The following IQCM variants were observed in gnomAD, a reference collection of about 807,000 sequenced individuals.
The protein encoded by IQCM is IQ domain-containing protein M.
IQCM carries 45 observed loss-of-function variants against 57.6 expected under a neutral mutation model. The ratio of observed to expected loss-of-function variants is 0.78; its 90% CI spans 0.62 to 1.00. The LOEUF (loss-of-function observed/expected upper bound fraction) is 1.00, where lower values mean the gene tolerates loss of function less well. Ranked by LOEUF, IQCM falls within the 50% of genes least tolerant of loss-of-function variation. IQCM has a pLI of 0.00. For missense variants in IQCM, 468 were observed against 511.6 expected (o/e 0.91, Z 0.82); for synonymous variants, 148 against 158.9 (o/e 0.93, Z 0.51).
intron 5 of IQCM, among the ~76,000 whole-genome samples, chr4:149,692,153 A>T (rs1580012124): frequency 6.6e-6 from 1 of 152,044 alleles, no homozygotes; most frequent in Non-Finnish European, 1.5e-5. Flanking sequence ...GCTGAAGTCC[A>T]CTCTTCCCCT....
intron 12 of IQCM, among the ~76,000 whole-genome samples, chr4:149,544,573 TC>T (rs1245766655): frequency 6.6e-6 from 1 of 152,124 alleles, no homozygotes; most frequent in Non-Finnish European, 1.5e-5. Context: ...CTATAAAAGT[TC>T]CTGAAAAGCT....
intron 5 of IQCM, chr4:149,710,951 G>A (rs1013871131): frequency 2.0e-5 from 3 of 152,138 alleles, no homozygotes; most frequent in Non-Finnish European, 4.4e-5. Context: ...TTCATCCATA[G>A]AACACATCTG....
intron 9 of IQCM, among the ~76,000 whole-genome samples, chr4:149,569,734 T>C (rs1437104642): frequency 6.6e-6 from 1 of 152,120 alleles, no homozygotes; most frequent in Non-Finnish European, 1.5e-5. Flanking sequence ...ATCATAACCA[T>C]GAACCTGTTA....
At chr4:149,706,099 A>C (rs1216785962) in intron 5 of IQCM, among the ~76,000 whole-genome samples, 2 of 151,952 alleles carry the variant, frequency 1.3e-5, no homozygotes, top group Non-Finnish European at 2.9e-5. Flanking sequence ...TTTCAAGATA[A>C]AGTAGAAAAA....
chr4:149,537,833 TA>T (rs1248572800), intron 12 of IQCM, among the ~76,000 whole-genome samples: 1 of 151,434 alleles, frequency 6.6e-6, no homozygotes, highest in South Asian at 2.1e-4. Context: ...GACTGAAAAA[TA>T]AAAAATTGGC....
At chr4:149,731,292 C>T (rs187566055) in intron 5 of IQCM, among the ~76,000 whole-genome samples, 29 of 152,244 alleles carry the variant, frequency 1.9e-4, no homozygotes, top group African/African-American at 6.3e-4. Context: ...GCCCTTTTCC[C>T]TTCCATCCCT....
At chr4:149,352,419 A>G (rs1414142155) in intron 13 of IQCM, among the ~76,000 whole-genome samples, 4 of 152,228 alleles carry the variant, frequency 2.6e-5, no homozygotes, top group Non-Finnish European at 4.4e-5. Flanking sequence ...AAGTTCTGAA[A>G]GGTAAAACTT....
chr4:149,544,407 T>C (rs56078242), intron 12 of IQCM, among the ~76,000 whole-genome samples: 3,806 of 152,220 alleles, frequency 0.025, 112 homozygotes, highest in South Asian at 0.15. Context: ...ATGAAATAAA[T>C]TGAAGACACA....
At chr4:149,683,168 A>G (rs774479932) in intron 6 of IQCM, among the ~76,000 whole-genome samples, 1 of 151,098 alleles carries the variant, frequency 6.6e-6, no homozygotes, top group Non-Finnish European at 1.5e-5. Flanking sequence ...TAACATACTG[A>G]TCGCTTATTT....
intron 12 of IQCM, among the ~76,000 whole-genome samples, chr4:149,479,003 A>G (rs1212959818): frequency 6.6e-6 from 1 of 152,088 alleles, no homozygotes; most frequent in African/African-American, 2.4e-5. Context: ...TTAGTTGATG[A>G]TGATTAGAGT....
intron 2 of IQCM, among the ~76,000 whole-genome samples, chr4:149,814,715 A>G (rs1306042677): frequency 6.6e-6 from 1 of 151,986 alleles, no homozygotes; most frequent in Non-Finnish European, 1.5e-5. Flanking sequence ...ATTTCTCTGA[A>G]TAATTTCTTT....
chr4:149,679,850 T>C (rs1762049076), intron 7 of IQCM, among the ~76,000 whole-genome samples: 1 of 151,442 alleles, frequency 6.6e-6, no homozygotes, highest in African/African-American at 2.4e-5. Context: ...GAATAAGCTT[T>C]TTTGTGCAGA....
At chr4:149,406,367 A>G (rs909169542) in intron 13 of IQCM, among the ~76,000 whole-genome samples, 3 of 152,142 alleles carry the variant, frequency 2.0e-5, no homozygotes, top group African/African-American at 7.2e-5. Context: ...AGAAACTGAC[A>G]CTTGAAGAGA....
At chr4:149,694,924 CTTTTT>C (rs981259061) in intron 5 of IQCM, among the ~76,000 whole-genome samples, 3 of 152,136 alleles carry the variant, frequency 2.0e-5, no homozygotes. Flanking sequence ...ACCTTTCTCT[CTTTTT>C]AAGACCCACT....
intron 8 of IQCM, among the ~76,000 whole-genome samples, chr4:149,593,632 T>C (rs1753446436): frequency 1.3e-5 from 2 of 152,172 alleles, no homozygotes; most frequent in South Asian, 4.1e-4. Context: ...ATATGTCCCA[T>C]CAATACCTAG....
intron 7 of IQCM, among the ~76,000 whole-genome samples, chr4:149,665,614 G>C (rs910235820): frequency 1.3e-5 from 2 of 152,160 alleles, no homozygotes; most frequent in Non-Finnish European, 2.9e-5. Flanking sequence ...AGCAACTCCA[G>C]TTGGCCATGC....
chr4:149,652,827 A>G (rs1304486220), intron 7 of IQCM, among the ~76,000 whole-genome samples: 1 of 152,176 alleles, frequency 6.6e-6, no homozygotes, highest in African/African-American at 2.4e-5. Flanking sequence ...AGTTTAATAA[A>G]AAGTTACTGA....
At chr4:149,706,917 C>T (rs1334769502) in intron 5 of IQCM, among the ~76,000 whole-genome samples, 4 of 151,896 alleles carry the variant, frequency 2.6e-5, no homozygotes, top group Admixed American at 2.6e-4. Flanking sequence ...TCTAAGATAA[C>T]AGGCAATTTC....
chr4:149,593,221 G>T (rs1220559070), intron 8 of IQCM, among the ~76,000 whole-genome samples: 5 of 152,168 alleles, frequency 3.3e-5, no homozygotes, highest in African/African-American at 1.2e-4. Context: ...TGAAGCAATT[G>T]TGAATGGGAG....
Sources: allele counts gnomAD v4.1 joint callset (sites outside exome capture counted in the v4.1 genomes callset), GRCh38; gene constraint gnomAD v4.1.1; transcripts MANE v1.5; gene names NCBI Gene and HGNC (gene_info 2026-07-23, HGNC 2026-07-21).